The following RELN variants were observed in gnomAD, a reference collection of about 807,000 sequenced individuals.
RELN encodes reelin.
A neutral mutation model predicts 427.6 loss-of-function variants in RELN; 108 were observed. The ratio of observed to expected loss-of-function variants is 0.25; its 90% CI spans 0.22 to 0.30. RELN has a LOEUF of 0.30. RELN is among the 10% of genes least tolerant of loss of function. RELN has a pLI of 1.00. For synonymous variants in RELN, 1,524 were observed against 1,513.4 expected (o/e 1.01, Z -0.16); for missense variants, 3,715 against 4,302.8 (o/e 0.86, Z 3.82).
chr7:103,691,899 A>T (rs890091258), intron 10 of RELN, among the ~76,000 whole-genome samples: 2 of 152,136 alleles, frequency 1.3e-5, no homozygotes, highest in African/African-American at 4.8e-5. Context: ...CTACTATTTA[A>T]TATTTTCTTA....
intron 15 of RELN, 92 bp from the exon 16 acceptor site, chr7:103,650,475 G>T: frequency 1.2e-6 from 1 of 827,864 alleles, no homozygotes; most frequent in Non-Finnish European, 2.1e-6. Context: ...GCTTCTGTGT[G>T]CTTGGAAAAG....
intron 10 of RELN, among the ~76,000 whole-genome samples, chr7:103,690,200 G>T (rs920198364): frequency 6.6e-6 from 1 of 152,004 alleles, no homozygotes; most frequent in Admixed American, 6.6e-5. Context: ...TCATGCCACT[G>T]CAAGTATCAT....
intron 8 of RELN, among the ~76,000 whole-genome samples, chr7:103,712,713 C>T (rs1304517413): frequency 1.3e-5 from 2 of 152,172 alleles, no homozygotes; most frequent in African/African-American, 4.8e-5. Flanking sequence ...CCACCACATA[C>T]ATTTTATAAA....
At chr7:103,501,977 T>C (rs907975415) in intron 52 of RELN, among the ~76,000 whole-genome samples, 3 of 152,186 alleles carry the variant, frequency 2.0e-5, no homozygotes, top group African/African-American at 4.8e-5. Flanking sequence ...TCATGTTCAA[T>C]AGCAAAACCA....
intron 1 of RELN, among the ~76,000 whole-genome samples, chr7:103,962,982 G>C (rs948401342): frequency 2.6e-5 from 4 of 152,076 alleles, no homozygotes; most frequent in Non-Finnish European, 4.4e-5. Flanking sequence ...GAAAGGTTGA[G>C]AAAACGTCCA....
intron 42 of RELN, among the ~76,000 whole-genome samples, chr7:103,543,147 C>T (rs568565266): frequency 7.9e-5 from 12 of 152,090 alleles, no homozygotes; most frequent in East Asian, 3.9e-4. Flanking sequence ...TCCCTCCTTT[C>T]GGCTTGTTCA....
intron 4 of RELN, among the ~76,000 whole-genome samples, chr7:103,761,629 G>T (rs1627863): frequency 0.51 from 75,559 of 149,328 alleles, 21,079 homozygotes; most frequent in African/African-American, 0.76. Flanking sequence ...ATTTTTTTTT[G>T]GGGGGGGGTA....
Position 103,569,858 on chromosome 7 carries a change from G to A in RELN, c.4588+2326C>T, listed in dbSNP as rs1032262362. ...AGGCCCTTTAACTCATCTACCAAGT[G>A]TTTAAGGCATGTGAAACATTTCTCT... On this transcript the variant is annotated intron_variant, in intron 31 of 64. Transcript: ENST00000428762. This position sits in a 1 kb window ranked among gnomAD's most constrained non-coding sequence, Gnocchi z 4.0. Among the ~76,000 whole-genome samples, 1 of 152,200 alleles carries A rather than the reference G, an allele frequency of 6.6e-6. No individual in the cohort carries two copies. Among genetic ancestry groups the A allele is most frequent in the Non-Finnish European group, 1.5e-5 (1 of 68,038 alleles).
At chr7:103,728,315 C>G in intron 6 of RELN, 108 bp from the exon 7 acceptor site, 1 of 1,047,660 alleles carries the variant, frequency 9.5e-7, no homozygotes, top group Non-Finnish European at 1.5e-6. Context: ...CTCAAATCAC[C>G]ATTTTGAGGA....
At chr7:103,805,842 G>T (rs1792585005) in intron 3 of RELN, among the ~76,000 whole-genome samples, 2 of 152,166 alleles carry the variant, frequency 1.3e-5, no homozygotes, top group Non-Finnish European at 2.9e-5. Context: ...ATAACAAGGA[G>T]GGGCTAGAGA....
chr7:103,735,832 G>A (rs1425071623), intron 6 of RELN, among the ~76,000 whole-genome samples: 2 of 152,160 alleles, frequency 1.3e-5, no homozygotes, highest in African/African-American at 4.8e-5. Flanking sequence ...GTCAGTGTCT[G>A]ACGATCAGCT....
intron 40 of RELN, 95 bp downstream of exon 40, chr7:103,553,366 C>T: frequency 2.2e-6 from 2 of 923,664 alleles, no homozygotes; most frequent in Non-Finnish European, 3.5e-6. Flanking sequence ...AATGGGAGGT[C>T]ATAATGCATG....
In RELN at chr7:103,764,917, C is replaced by A. The variant is rs374039716; in HGVS notation, c.544+11640G>T. On this transcript the variant is annotated intron_variant, in intron 4 of 64. Coordinates refer to ENST00000428762, the MANE Select transcript of RELN (RefSeq NM_005045.4). ...GGGAAGAACAACTCATTAGGGAAAC[C>A]GAGAAAGAAAAGAGAAGTCAGGTAG... 2.7e-3 allele frequency among the ~76,000 whole-genome samples: 403 copies of A among 151,406 alleles called. 1 individual carries two copies. The highest frequency in any genetic ancestry group is 9.4e-3 in the African/African-American group (387 of 41,160).
intron 1 of RELN, among the ~76,000 whole-genome samples, chr7:103,966,435 A>G (rs1232722314): frequency 2.6e-5 from 4 of 152,236 alleles, no homozygotes; most frequent in Non-Finnish European, 5.9e-5. Flanking sequence ...GAAACCCCGG[A>G]AGACATGCCG....
At chr7:103,965,314 A>T (rs1796639958) in intron 1 of RELN, among the ~76,000 whole-genome samples, 2 of 152,242 alleles carry the variant, frequency 1.3e-5, no homozygotes, top group African/African-American at 2.4e-5. Flanking sequence ...TATCACAATA[A>T]ATGCTGAAAA....
chr7:103,940,085 T>C (rs928629448), intron 1 of RELN, among the ~76,000 whole-genome samples: 1 of 152,208 alleles, frequency 6.6e-6, no homozygotes, highest in African/African-American at 2.4e-5. Flanking sequence ...TTTATACATA[T>C]ACCCAGTCCA....
intron 6 of RELN, among the ~76,000 whole-genome samples, chr7:103,740,300 C>A (rs1426298581): frequency 6.6e-6 from 1 of 152,192 alleles, no homozygotes; most frequent in Non-Finnish European, 1.5e-5. Context: ...AACTGCTACA[C>A]TTGTGTAAGC....
intron 2 of RELN, among the ~76,000 whole-genome samples, chr7:103,836,005 G>A (rs960162461): frequency 6.7e-6 from 1 of 148,628 alleles, no homozygotes; most frequent in Non-Finnish European, 1.5e-5. Flanking sequence ...ACCCAGGCTA[G>A]AGCGCAATGG....
intron 3 of RELN, among the ~76,000 whole-genome samples, chr7:103,788,686 G>A (rs1338386679): frequency 1.3e-5 from 2 of 152,176 alleles, no homozygotes; most frequent in African/African-American, 4.8e-5. Context: ...GGAAATAAGA[G>A]AGGACACAAA....
Sources: allele counts gnomAD v4.1 joint callset (sites outside exome capture counted in the v4.1 genomes callset), GRCh38; gene constraint gnomAD v4.1.1; non-coding constraint Gnocchi (gnomAD v3.1); transcripts MANE v1.5; gene names NCBI Gene and HGNC (gene_info 2026-07-23, HGNC 2026-07-21).